Variants in ALDH2 observed in about 807,000 individuals in gnomAD.
The protein encoded by ALDH2 is aldehyde dehydrogenase 2 family member, also known as aldehyde dehydrogenase, mitochondrial.
Under a neutral mutation model 59.6 loss-of-function variants are expected in ALDH2, and 44 were observed. That is an observed-to-expected ratio of 0.74 (90% CI 0.58 to 0.95). The LOEUF is 0.95. Ranked by LOEUF, ALDH2 falls within the 40% of genes least tolerant of loss-of-function variation. The pLI is 0.00. For missense variants in ALDH2, 570 were observed against 696.3 expected (o/e 0.82, Z 2.04); for synonymous variants, 291 against 284.0 (o/e 1.02, Z -0.25).
At chr12:111,804,492 T>A (rs1035801612) in intron 12 of ALDH2, among the ~76,000 whole-genome samples, 3 of 152,180 alleles carry the variant, frequency 2.0e-5, no homozygotes, top group African/African-American at 7.2e-5. Flanking sequence ...ACACCTGTAA[T>A]CCCAGCACTT....
At chr12:111,777,203 T>C (rs2068240130) in intron 1 of ALDH2, among the ~76,000 whole-genome samples, 2 of 152,320 alleles carry the variant, frequency 1.3e-5, no homozygotes, top group African/African-American at 4.8e-5. Flanking sequence ...GCTGGACTCT[T>C]CTGTGCCCAG....
At chr12:111,790,360 G>A in intron 5 of ALDH2, 74 bp from the exon 6 acceptor site, 2 of 1,597,338 alleles carry the variant, frequency 1.3e-6, no homozygotes, top group Non-Finnish European at 8.6e-7. Context: ...GCCCTCTGGG[G>A]TTGCCACCTT....
chr12:111,792,854 GATCA>G, intron 9 of ALDH2, 72 bp downstream of exon 9: 1 of 1,466,008 alleles, frequency 6.8e-7, no homozygotes, highest in Admixed American at 2.2e-5. Context: ...ATCGGGCTCA[GATCA>G]GTTGGGACTG....
chr12:111,798,549 C>A (rs1286665611), intron 10 of ALDH2, among the ~76,000 whole-genome samples: 2 of 152,152 alleles, frequency 1.3e-5, no homozygotes, highest in African/African-American at 4.8e-5. Context: ...GACCTTTTTT[C>A]TTTCAGTCAG....
At chr12:111,804,904 C>T (rs940798038) in intron 12 of ALDH2, among the ~76,000 whole-genome samples, 3 of 152,108 alleles carry the variant, frequency 2.0e-5, no homozygotes, top group Admixed American at 6.6e-5. Flanking sequence ...CTTTGATTTG[C>T]AACTTCAATG....
At chr12:111,771,629 T>A (rs2068200623) in intron 1 of ALDH2, among the ~76,000 whole-genome samples, 1 of 152,118 alleles carries the variant, frequency 6.6e-6, no homozygotes, top group African/African-American at 2.4e-5. Context: ...TATGAAACCA[T>A]GAAAACTGTA....
chr12:111,783,422 A>G, intron 3 of ALDH2, 124 bp downstream of exon 3: 2 of 1,264,446 alleles, frequency 1.6e-6, no homozygotes, highest in South Asian at 1.6e-5. Context: ...CACGGGACTG[A>G]TGGGAATGGC....
intron 11 of ALDH2, 40 bp from the exon 12 acceptor site, chr12:111,803,819 C>A: frequency 6.7e-7 from 1 of 1,486,468 alleles, no homozygotes; most frequent in Non-Finnish European, 9.2e-7. Flanking sequence ...TAACCCATAA[C>A]CCCCAAGAGT....
chr12:111,804,674 G>A (rs1415360513), intron 12 of ALDH2, among the ~76,000 whole-genome samples: 2 of 151,650 alleles, frequency 1.3e-5, no homozygotes, highest in African/African-American at 4.8e-5. Flanking sequence ...TTGAACACGG[G>A]AGGCGGAGGT....
intron 11 of ALDH2, among the ~76,000 whole-genome samples, chr12:111,802,411 CAAA>C (rs58247934): frequency 2.3e-4 from 20 of 86,598 alleles, no homozygotes; most frequent in Middle Eastern, 6.8e-3. Flanking sequence ...GACTCTGTCT[CAAA>C]AAAAAAAAAA....
rs976283087 is a variant in ALDH2, at chr12:111,815,454, C to G, written c.*5879C>G. The G allele has an allele frequency of 6.6e-6, 1 of 152,100 alleles. No individual in the cohort carries two copies. Among genetic ancestry groups the G allele is most frequent in the South Asian group, 2.1e-4 (1 of 4,828 alleles). The allele number at this position is 152,100 out of a possible 1,614,324, so 9.4% of individuals were successfully genotyped here. A position where few individuals can be genotyped will look rare whatever the true frequency, so the allele number is the denominator to read the frequency against. ...TCCTGGCTTGAAGTGATCCTCCTGC[C>G]TTGGCACATAGAAGGGGTTACAATA... On this transcript the variant is annotated 3_prime_UTR_variant, in exon 13 of 13. Coordinates refer to ENST00000261733, the MANE Select transcript of ALDH2 (RefSeq NM_000690.4).
chr12:111,788,215 A>G (rs2068327546), intron 4 of ALDH2, among the ~76,000 whole-genome samples: 1 of 152,164 alleles, frequency 6.6e-6, no homozygotes, highest in Admixed American at 6.5e-5. Flanking sequence ...CGTCTCAAAA[A>G]AAAGAAAAAA....
intron 12 of ALDH2, among the ~76,000 whole-genome samples, chr12:111,809,305 G>A (rs577500152): frequency 1.8e-4 from 27 of 152,156 alleles, no homozygotes; most frequent in African/African-American, 6.0e-4. Context: ...AATACAAAAA[G>A]TTAGCTGGGT....
At chr12:111,788,252 C>T (rs927639246) in intron 4 of ALDH2, among the ~76,000 whole-genome samples, 1 of 152,046 alleles carries the variant, frequency 6.6e-6, no homozygotes, top group African/African-American at 2.4e-5. Flanking sequence ...GTATCCTTCA[C>T]AACAGGTGCA....
At position 111,780,977 on chromosome 12, in the gene ALDH2, C is replaced by T. The variant is rs563749411; in HGVS notation, c.115-941C>T. Among the ~76,000 whole-genome samples the T allele has an allele frequency of 2.6e-5, 4 of 151,996 alleles. No individual in the cohort carries two copies. In the East Asian group the frequency reaches 7.7e-4, roughly 29 times the overall value. On this transcript the variant is annotated intron_variant, in intron 1 of 12. Coordinates refer to ENST00000261733, the MANE Select transcript of ALDH2 (RefSeq NM_000690.4). ...TACAAAAATTAGCCAGGCGTAGTGGCGTGTGCCTGTGGTCCCAGCTACTCA... is the reference window on the plus strand; with the variant it reads ...TACAAAAATTAGCCAGGCGTAGTGGTGTGTGCCTGTGGTCCCAGCTACTCA...
chr12:111,800,038 C>G lies in ALDH2; in HGVS notation c.1381C>G (p.Gln461Glu), dbSNP rs201405479. 1 of 1,613,072 alleles carries G rather than the reference C, an allele frequency of 6.2e-7. No homozygotes were observed. Among genetic ancestry groups the G allele is most frequent in the African/African-American group, 1.3e-5 (1 of 75,036 alleles). ...TTTGGACAAGGCCAATTACCTGTCC[C>G]AGGCCCTCCAGGCGGGCACTGTGTG... The part of the protein sequence containing the change: ...KDLDKANYLS[Q>E]ALQAGTVWVN... Residue 461 changes from glutamine to glutamate, a missense_variant, in exon 11 of 13, where the codon CAG (glutamine) becomes GAG (glutamate). Physicochemically the swap from Gln to Glu is conservative, Grantham distance 29. Transcript: ENST00000261733.
intron 3 of ALDH2, among the ~76,000 whole-genome samples, chr12:111,784,981 C>T (rs1009373745): frequency 6.6e-6 from 1 of 152,192 alleles, no homozygotes; most frequent in African/African-American, 2.4e-5. Flanking sequence ...GTCTCTATCC[C>T]AGCACCTGGA....
intron 9 of ALDH2, among the ~76,000 whole-genome samples, chr12:111,796,098 TAA>T (rs1231233862): frequency 1.4e-5 from 2 of 137,980 alleles, no homozygotes; most frequent in African/African-American, 2.7e-5. Flanking sequence ...TCATCTCTAC[TAA>T]AAAAAAAAAA....
intron 3 of ALDH2, 42 bp downstream of exon 3, chr12:111,783,340 A>G (rs752215510): frequency 7.7e-6 from 12 of 1,568,146 alleles, no homozygotes; most frequent in Non-Finnish European, 2.6e-6. Context: ...CCATGTGGTG[A>G]ATAGGCTCGC....
Sources: gnomAD v4.1 joint callset for allele counts (sites outside exome capture counted in the v4.1 genomes callset) on GRCh38, gnomAD v4.1.1 for gene constraint, MANE v1.5 for transcripts, NCBI Gene and HGNC (gene_info 2026-07-23, HGNC 2026-07-21) for gene names.